The following NEK10 variants were observed in gnomAD, a reference collection of about 807,000 sequenced individuals.
The protein encoded by NEK10 is serine/threonine-protein kinase Nek10.
Under a neutral mutation model 159.8 loss-of-function variants are expected in NEK10, and 122 were observed. The ratio of observed to expected loss-of-function variants is 0.76; its 90% CI spans 0.66 to 0.89. The LOEUF is 0.89. Ranked by LOEUF, NEK10 falls within the 40% of genes least tolerant of loss-of-function variation. The pLI is 0.00. For synonymous variants in NEK10, 466 were observed against 457.1 expected (o/e 1.02, Z -0.25); for missense variants, 1,342 against 1,323.1 (o/e 1.01, Z -0.22).
intron 5 of NEK10, among the ~76,000 whole-genome samples, chr3:27,341,226 C>T (rs67074195): frequency 6.6e-6 from 1 of 151,934 alleles, no homozygotes; most frequent in Admixed American, 6.6e-5. Context: ...GGGGGATAAA[C>T]AGGTAGGTTA....
chr3:27,287,637 CA>C, intron 20 of NEK10, 60 bp downstream of exon 20: 1 of 1,517,848 alleles, frequency 6.6e-7, no homozygotes, highest in East Asian at 2.4e-5. Flanking sequence ...CATTCTGATA[CA>C]AAAATATATG....
At chr3:27,216,946 A>G (rs1951596190) in intron 23 of NEK10, among the ~76,000 whole-genome samples, 3 of 152,364 alleles carry the variant, frequency 2.0e-5, no homozygotes, top group South Asian at 4.1e-4. Flanking sequence ...TACAAGCTGT[A>G]TTCTGACATA....
chr3:27,304,672 A>T (rs1196062106), intron 12 of NEK10, 75 bp downstream of exon 12: 5 of 913,338 alleles, frequency 5.5e-6, no homozygotes, highest in African/African-American at 1.6e-5. Flanking sequence ...GACACACACC[A>T]ATCTGCCATC....
intron 29 of NEK10, among the ~76,000 whole-genome samples, chr3:27,166,229 G>T: frequency 6.6e-6 from 1 of 152,168 alleles, no homozygotes; most frequent in Non-Finnish European, 1.5e-5. Flanking sequence ...TATCTATAAT[G>T]TTAATAGAGT....
chr3:27,205,848 A>G (rs1950499032), intron 23 of NEK10, among the ~76,000 whole-genome samples: 1 of 147,094 alleles, frequency 6.8e-6, no homozygotes, highest in Non-Finnish European at 1.5e-5. Flanking sequence ...AAAAGACAAA[A>G]TTGACAAATG....
intron 13 of NEK10, among the ~76,000 whole-genome samples, chr3:27,299,183 A>C (rs1363909193): frequency 1.3e-5 from 2 of 152,078 alleles, no homozygotes; most frequent in Non-Finnish European, 1.5e-5. Flanking sequence ...GGTTTCATGG[A>C]CTGGACCCAG....
At chr3:27,216,120 C>T (rs919874717) in intron 23 of NEK10, among the ~76,000 whole-genome samples, 1 of 152,138 alleles carries the variant, frequency 6.6e-6, no homozygotes, top group Non-Finnish European at 1.5e-5. Flanking sequence ...TAAAATTTTT[C>T]TCTACTGTCT....
intron 26 of NEK10, among the ~76,000 whole-genome samples, chr3:27,188,456 G>A (rs185958048): frequency 2.6e-5 from 4 of 152,100 alleles, no homozygotes; most frequent in African/African-American, 4.8e-5. Flanking sequence ...TATACCACAG[G>A]CATTTTCAAT....
intron 26 of NEK10, among the ~76,000 whole-genome samples, chr3:27,178,186 T>C (rs1048974244): frequency 6.6e-6 from 1 of 152,240 alleles, no homozygotes; most frequent in South Asian, 2.1e-4. Flanking sequence ...TATAATGTAA[T>C]ATTTTTATGT....
At chr3:27,288,987 G>C (rs917382173) in intron 19 of NEK10, among the ~76,000 whole-genome samples, 1 of 152,128 alleles carries the variant, frequency 6.6e-6, no homozygotes, top group Non-Finnish European at 1.5e-5. Context: ...ACTCAGTTCT[G>C]ACCTGTGGAA....
intron 23 of NEK10, among the ~76,000 whole-genome samples, chr3:27,203,903 G>A (rs1950259976): frequency 6.6e-6 from 1 of 152,118 alleles, no homozygotes; most frequent in Non-Finnish European, 1.5e-5. Flanking sequence ...CAATAATACG[G>A]AAATGGGGGA....
chr3:27,217,907 T>A (rs551112011), intron 23 of NEK10, among the ~76,000 whole-genome samples: 2 of 152,292 alleles, frequency 1.3e-5, no homozygotes, highest in East Asian at 3.9e-4. Context: ...ATATCTATGA[T>A]AAAGTTTAAT....
At chr3:27,343,220 T>C (rs2047322462) in intron 5 of NEK10, among the ~76,000 whole-genome samples, 1 of 152,156 alleles carries the variant, frequency 6.6e-6, no homozygotes, top group African/African-American at 2.4e-5. Flanking sequence ...AATACTTAAA[T>C]ACATAATACT....
chr3:27,162,308 C>T (rs62255209), intron 30 of NEK10: 76,653 of 1,329,302 alleles, frequency 0.058, 2,441 homozygotes, highest in Non-Finnish European at 0.062. Flanking sequence ...ACCATCAAAT[C>T]GCCAAACTAA....
rs1481697801 is a variant in NEK10 at position 27,110,971 on chromosome 3, T to C, written c.*301A>G. The C allele has an allele frequency of 3.8e-6, 1 of 264,400 alleles. No homozygotes were observed. The highest frequency in any genetic ancestry group is 6.7e-5 in the East Asian group (1 of 14,888). The allele number at this position is 264,400 out of a possible 1,614,324, so 16.4% of individuals were successfully genotyped here. ...ATTCTGTAAGAGAGTTTTTTTGTTG[T>C]TGTTTTTGGGTTTTCCCCCCACCCT... On this transcript the variant is annotated 3_prime_UTR_variant, in exon 36 of 36. Coordinates refer to ENST00000691995, the MANE Select transcript of NEK10 (RefSeq NM_001394966.1).
At chr3:27,237,259 C>A (rs1435449784) in intron 23 of NEK10, among the ~76,000 whole-genome samples, 1 of 152,094 alleles carries the variant, frequency 6.6e-6, no homozygotes, top group Non-Finnish European at 1.5e-5. Context: ...TTCAAACATG[C>A]ATGTTTTACA....
intron 35 of NEK10, among the ~76,000 whole-genome samples, chr3:27,111,617 C>A (rs1343550396): frequency 6.6e-6 from 1 of 152,076 alleles, no homozygotes; most frequent in Non-Finnish European, 1.5e-5. Context: ...GTTAAAATAA[C>A]TAATTTACAC....
Position 27,141,564 on chromosome 3 carries a change from A to G in NEK10, c.2888T>C (p.Val963Ala). ...GATCTGACGCACTTTCCTCTGGGAC[A>G]CAGCAATTCCTGCTGATGCTGTGGG... ...RPRPASAGIA[V>A]SQRKVRQISD... Residue 963 changes from valine to alanine, a missense_variant, in exon 31 of 36, where the codon GTG (valine) becomes GCG (alanine). Physicochemically the swap from Val to Ala is moderately conservative, Grantham distance 64 (BLOSUM62 0). Coordinates refer to ENST00000691995, the MANE Select transcript of NEK10 (RefSeq NM_001394966.1). 1 of 1,613,232 alleles carries G rather than the reference A, an allele frequency of 6.2e-7. No individual in the cohort carries two copies. Among genetic ancestry groups the G allele is most frequent in the Non-Finnish European group, 8.5e-7 (1 of 1,179,388 alleles).
intron 26 of NEK10, among the ~76,000 whole-genome samples, chr3:27,175,784 G>A (rs1187158582): frequency 6.6e-6 from 1 of 152,168 alleles, no homozygotes; most frequent in Admixed American, 6.5e-5. Context: ...TGTGATGGAG[G>A]AAAGGATAAC....
Sources: allele counts gnomAD v4.1 joint callset (sites outside exome capture counted in the v4.1 genomes callset), GRCh38; gene constraint gnomAD v4.1.1; transcripts MANE v1.5; gene names NCBI Gene and HGNC (gene_info 2026-07-23, HGNC 2026-07-21).